The following HGSNAT variants were observed in gnomAD, a reference collection of about 807,000 sequenced individuals.
The protein encoded by HGSNAT is heparan-alpha-glucosaminide N-acetyltransferase.
In HGSNAT, 59 loss-of-function variants were observed where a neutral mutation model predicts 85.2. The observed-to-expected ratio is 0.69, with a 90% confidence interval of 0.56 to 0.86. The LOEUF (loss-of-function observed/expected upper bound fraction) is 0.86. Among genes scored for constraint, HGSNAT ranks in the 40% least tolerant of loss-of-function variants. The pLI is 0.00. For synonymous variants in HGSNAT, 321 were observed against 304.5 expected (o/e 1.05, Z -0.56); for missense variants, 756 against 777.1 (o/e 0.97, Z 0.32).
chr8:43,167,896 A>G (rs547349455), intron 5 of HGSNAT: 6 of 258,050 alleles, frequency 2.3e-5, no homozygotes, highest in Non-Finnish European at 4.7e-5. Flanking sequence ...ATTTAATGTT[A>G]TCTGGATATC....
chr8:43,156,561 G>C (rs1330863142), intron 2 of HGSNAT, among the ~76,000 whole-genome samples: 1 of 152,118 alleles, frequency 6.6e-6, no homozygotes, highest in African/African-American at 2.4e-5. Flanking sequence ...AGTTCCTCCT[G>C]TTACTGATTT....
At chr8:43,194,536 C>A in intron 14 of HGSNAT, 1 of 982,628 alleles carries the variant, frequency 1.0e-6, no homozygotes, top group Non-Finnish European at 1.2e-6. Flanking sequence ...AACAAAATAC[C>A]CGAGACTGGG....
chr8:43,173,820 T>C, intron 9 of HGSNAT, 77 bp downstream of exon 9: 3 of 1,469,506 alleles, frequency 2.0e-6, no homozygotes, highest in Non-Finnish European at 2.8e-6. Context: ...CTGGAGCCTC[T>C]CTTCTGAGAC....
At chr8:43,155,630 T>C (rs1803066583) in intron 2 of HGSNAT, among the ~76,000 whole-genome samples, 2 of 152,196 alleles carry the variant, frequency 1.3e-5, no homozygotes, top group African/African-American at 4.8e-5. Flanking sequence ...TTTGCTTCTG[T>C]TACCTATGCA....
chr8:43,140,565 G>A lies in HGSNAT; in HGVS notation c.69G>A (p.Leu23=), dbSNP rs1563349632. 2 of 1,219,626 alleles carry A rather than the reference G, an allele frequency of 1.6e-6. No homozygotes were observed. Among genetic ancestry groups the A allele is most frequent in the East Asian group, 4.0e-5 (1 of 25,094 alleles). The allele number at this position is 1,219,626 out of a possible 1,614,324, so 75.6% of individuals were successfully genotyped here. ...LAASVLSAAL[L]APGGSSGRDA... is the part of the protein sequence containing the mutation. ...CGTCCGTGCTGAGCGCCGCGCTGCTGGCCCCCGGCGGCTCTTCGGGGCGCG... is the reference window on the plus strand; with the variant it reads ...CGTCCGTGCTGAGCGCCGCGCTGCTAGCCCCCGGCGGCTCTTCGGGGCGCG... Residue 23 remains leucine (L), a synonymous_variant, in exon 1 of 18, where the codon CTG becomes CTA. Coordinates refer to ENST00000379644, the MANE Select transcript of HGSNAT (RefSeq NM_152419.3).
chr8:43,186,647 C>A (rs1449958900), intron 11 of HGSNAT, among the ~76,000 whole-genome samples: 1 of 152,046 alleles, frequency 6.6e-6, no homozygotes, highest in Admixed American at 6.6e-5. Context: ...TCCTTCAGTT[C>A]TGCTCTGATC....
chr8:43,179,240 C>T lies in HGSNAT; in HGVS notation c.1012+1006C>T, dbSNP rs533738934. On this transcript the variant is annotated intron_variant, in intron 10 of 17. Transcript: ENST00000379644. ...GATGGGGCGGCTGGCCGGGCGGGGG[C>T]TGACCCCCCCACCACCCTCCCGGAC... 2.6e-5 allele frequency among the ~76,000 whole-genome samples: 4 copies of T among 151,080 alleles called. No individual in the cohort carries two copies. The South Asian group carries it at 6.3e-4, about 24-fold the overall frequency.
chr8:43,141,321 G>T (rs1219277839), intron 1 of HGSNAT, among the ~76,000 whole-genome samples: 1 of 151,454 alleles, frequency 6.6e-6, no homozygotes, highest in South Asian at 2.1e-4. Context: ...CCTGGGAGGG[G>T]CCGGGCTGGG....
intron 2 of HGSNAT, among the ~76,000 whole-genome samples, chr8:43,153,608 A>G (rs1802990964): frequency 6.6e-6 from 1 of 152,178 alleles, no homozygotes; most frequent in Admixed American, 6.5e-5. Flanking sequence ...ATTTTGCAAT[A>G]TACATTACAT....
At chr8:43,167,201 C>T (rs1350587650) in intron 5 of HGSNAT, among the ~76,000 whole-genome samples, 1 of 152,192 alleles carries the variant, frequency 6.6e-6, no homozygotes, top group Non-Finnish European at 1.5e-5. Context: ...TAGAATATCA[C>T]ATAAATGTAG....
Position 43,172,334 on chromosome 8 carries a change from T to C in HGSNAT, c.768T>C (p.Phe256=), listed in dbSNP as rs1188844284. The change falls in exon 8 of 18, where the codon TTT becomes TTC. Residue 256 remains phenylalanine (F), a synonymous_variant. Coordinates refer to ENST00000379644, the MANE Select transcript of HGSNAT (RefSeq NM_152419.3). ...GGATTGCTCTTATACTCATGGTCTT[T>C]GTCAATTATGGAGGAGGAAAATATT... ...FRGIALILMV[F]VNYGGGKYWY... is the part of the protein sequence containing the mutation. 1 of 1,612,240 alleles carries C rather than the reference T, an allele frequency of 6.2e-7. No homozygotes were observed. Among genetic ancestry groups the C allele is most frequent in the Middle Eastern group, 1.6e-4 (1 of 6,062 alleles).
At chr8:43,149,118 A>AAAAT (rs57240507) in intron 2 of HGSNAT, among the ~76,000 whole-genome samples, 103,631 of 146,550 alleles carry the variant, frequency 0.71, 38,373 homozygotes, top group Non-Finnish European at 0.82. Context: ...TCTGTCTCAA[A>AAAAT]AAATAAATAA....
chr8:43,184,733 T>C (rs923641228), intron 11 of HGSNAT, among the ~76,000 whole-genome samples: 1 of 152,218 alleles, frequency 6.6e-6, no homozygotes, highest in African/African-American at 2.4e-5. Flanking sequence ...CTGAATGGTA[T>C]TGCCTAGGTT....
At chr8:43,195,602 AGAG>A (rs1804686401) in intron 14 of HGSNAT, among the ~76,000 whole-genome samples, 1 of 66,826 alleles carries the variant, frequency 1.5e-5, no homozygotes, top group South Asian at 5.9e-4. Flanking sequence ...AGGAGGAAGA[AGAG>A]AAGGAGGGTG....
intron 5 of HGSNAT, among the ~76,000 whole-genome samples, chr8:43,166,596 A>AT (rs895966123): frequency 6.6e-6 from 1 of 152,132 alleles, no homozygotes; most frequent in Non-Finnish European, 1.5e-5. Flanking sequence ...AGAAAAGAAT[A>AT]TTTTTTTCAA....
At chr8:43,175,370 C>T (rs532659101) in intron 9 of HGSNAT, among the ~76,000 whole-genome samples, 3 of 152,258 alleles carry the variant, frequency 2.0e-5, no homozygotes, top group East Asian at 1.9e-4. Context: ...CTTTTCCCCA[C>T]CTCCTCATCA....
chr8:43,173,911 G>A lies in HGSNAT; in HGVS notation c.851+168G>A, dbSNP rs560684909. The A allele has an allele frequency of 8.5e-5, 57 of 670,794 alleles. 1 individual carries two copies. The South Asian group carries it at 9.3e-4, about 11-fold the overall frequency. The allele number at this position is 670,794 out of a possible 1,614,324, so 41.6% of individuals were successfully genotyped here. A position where few individuals can be genotyped will look rare whatever the true frequency, so the allele number is the denominator to read the frequency against. On this transcript the variant is annotated intron_variant, in intron 9 of 17. Transcript: ENST00000379644. ...CTCATACTTGACCCAGTGCCTACAC[G>A]TGTGTATAAAAGAGTGATTTGGGGC... is the stretch of plus-strand genomic sequence containing the variant.
chr8:43,141,134 C>A (rs745668622), intron 1 of HGSNAT, among the ~76,000 whole-genome samples: 2 of 152,180 alleles, frequency 1.3e-5, no homozygotes, highest in African/African-American at 4.8e-5. Context: ...GGGGCCGGGA[C>A]GCGCGTTCGC....
At chr8:43,197,621 T>C (rs1299097302) in intron 15 of HGSNAT, 51 bp from the exon 16 acceptor site, 2 of 1,371,062 alleles carry the variant, frequency 1.5e-6, no homozygotes, top group Non-Finnish European at 2.1e-6. Flanking sequence ...AACCAAGTGT[T>C]TTCTGAGATA....
Sources: gnomAD v4.1 joint callset for allele counts (sites outside exome capture counted in the v4.1 genomes callset) on GRCh38, gnomAD v4.1.1 for gene constraint, MANE v1.5 for transcripts, NCBI Gene and HGNC (gene_info 2026-07-23, HGNC 2026-07-21) for gene names.